The following RYR2 variants were observed in gnomAD, a reference collection of about 807,000 sequenced individuals.
The protein encoded by RYR2 is cardiac muscle ryanodine receptor-calcium release channel.
Under a neutral mutation model 601.1 loss-of-function variants are expected in RYR2, and 227 were observed. The observed-to-expected ratio is 0.38, with a 90% confidence interval of 0.34 to 0.42. RYR2 has a LOEUF of 0.42. Among genes scored for constraint, RYR2 ranks in the 10% least tolerant of loss-of-function variants. The pLI is 1.00. For synonymous variants in RYR2, 2,223 were observed against 2,175.1 expected (o/e 1.02, Z -0.61); for missense variants, 4,646 against 6,156.5 (o/e 0.75, Z 8.21).
chr1:237,215,350 G>A (rs1683041071), intron 1 of RYR2, among the ~76,000 whole-genome samples: 1 of 152,096 alleles, frequency 6.6e-6, no homozygotes, highest in African/African-American at 2.4e-5. Context: ...ACTATATACA[G>A]GGTTCAGTAC....
intron 1 of RYR2, among the ~76,000 whole-genome samples, chr1:237,134,522 A>G (rs1672544110): frequency 6.6e-6 from 1 of 152,090 alleles, no homozygotes; most frequent in South Asian, 2.1e-4. Context: ...CTATCACAAG[A>G]ACAGCATGGG....
intron 1 of RYR2, among the ~76,000 whole-genome samples, chr1:237,132,404 C>T (rs1017821612): frequency 1.3e-4 from 20 of 152,204 alleles, no homozygotes; most frequent in African/African-American, 2.9e-4. Context: ...AGCTTAGGTG[C>T]TCTTGAATTC....
chr1:237,296,643 A>G (rs1692809595), intron 2 of RYR2, among the ~76,000 whole-genome samples: 1 of 152,164 alleles, frequency 6.6e-6, no homozygotes, highest in Non-Finnish European at 1.5e-5. Context: ...CTTGGAGTCT[A>G]AGGAGACGTC....
chr1:237,520,547 A>C (rs1458358010), intron 24 of RYR2, among the ~76,000 whole-genome samples: 1 of 152,128 alleles, frequency 6.6e-6, no homozygotes, highest in African/African-American at 2.4e-5. Flanking sequence ...CTTTTTCTGC[A>C]CCTATTGAGA....
chr1:237,374,651 T>C, intron 6 of RYR2, 66 bp from the exon 7 acceptor site: 1 of 1,345,398 alleles, frequency 7.4e-7, no homozygotes, highest in Middle Eastern at 1.8e-4. Context: ...AGAGCAACCT[T>C]GTCTCAAACA....
intron 25 of RYR2, among the ~76,000 whole-genome samples, chr1:237,530,864 C>G: frequency 6.6e-6 from 1 of 151,432 alleles, no homozygotes; most frequent in East Asian, 1.9e-4. Context: ...GAGTCAAGAT[C>G]GTGCCACTGC....
At chr1:237,680,884 G>A (rs1242764591) in intron 62 of RYR2, among the ~76,000 whole-genome samples, 2 of 152,264 alleles carry the variant, frequency 1.3e-5, no homozygotes, top group African/African-American at 2.4e-5. Context: ...GTGATAAATG[G>A]TACTTTTGAC....
chr1:237,786,723 T>A (rs182436530), intron 91 of RYR2, among the ~76,000 whole-genome samples: 1 of 152,256 alleles, frequency 6.6e-6, no homozygotes, highest in Admixed American at 6.5e-5. Context: ...TAGAATTTTA[T>A]ACGCACATTT....
At chr1:237,734,544 T>C (rs2685297) in intron 79 of RYR2, among the ~76,000 whole-genome samples, 37,018 of 152,150 alleles carry the variant, frequency 0.24, 5,537 homozygotes, top group East Asian at 0.57. Context: ...AGTAGTGAGG[T>C]CTGCTTAAGG....
rs140659640 is a variant in RYR2 at position 237,236,766 on chromosome 1, G to A, written c.49-33731G>A. Among the ~76,000 whole-genome samples, 5 of 152,210 alleles carry A rather than the reference G, an allele frequency of 3.3e-5. No homozygotes were observed. In the East Asian group the frequency reaches 9.7e-4, roughly 29 times the overall value. ...AATGGAAACTCTTAATAATGGGATG[G>A]CGTGCTTTGAGATATCATGTTGAGG... On this transcript the variant is annotated intron_variant, in intron 1 of 104. Coordinates refer to ENST00000366574, the MANE Select transcript of RYR2 (RefSeq NM_001035.3).
At chr1:237,340,478 T>C (rs753642709) in intron 3 of RYR2, among the ~76,000 whole-genome samples, 9 of 152,218 alleles carry the variant, frequency 5.9e-5, no homozygotes, top group Non-Finnish European at 1.2e-4. Flanking sequence ...TCTAATTACC[T>C]ACCCAACACT....
Position 237,614,607 on chromosome 1 carries a change from A to G in RYR2, c.5479A>G (p.Thr1827Ala), listed in dbSNP as rs1225701421. The change falls in exon 37 of 105, where the codon ACC becomes GCC. Residue 1827 changes from threonine (T) to alanine (A), a missense_variant. This residue lies in a region of RYR2 where 1,807 missense variants were observed against 2,088.1 expected (regional missense o/e 0.87). Coordinates refer to ENST00000366574, the MANE Select transcript of RYR2 (RefSeq NM_001035.3). This position sits in a 1 kb window ranked among gnomAD's most constrained non-coding sequence, Gnocchi z 4.3. ...LFVPLIKLFY[T>A]LLIMGIFHNE... ...TGTACCTCTCATCAAGCTTTTCTATACCCTGCTGATCATGGGCATCTTTCA... is the reference window on the plus strand; with the variant it reads ...TGTACCTCTCATCAAGCTTTTCTATGCCCTGCTGATCATGGGCATCTTTCA... 2 of 1,613,720 alleles carry G rather than the reference A, an allele frequency of 1.2e-6. No homozygotes were observed. The highest frequency in any genetic ancestry group is 2.2e-5 in the East Asian group (1 of 44,872).
chr1:237,810,622 C>T (rs753490025), intron 100 of RYR2, among the ~76,000 whole-genome samples: 53 of 151,904 alleles, frequency 3.5e-4, no homozygotes, highest in Non-Finnish European at 6.3e-4. Flanking sequence ...AGTACTTTAC[C>T]TAAAGGTTTA....
intron 1 of RYR2, among the ~76,000 whole-genome samples, chr1:237,144,303 G>A (rs1673732278): frequency 6.6e-6 from 1 of 152,134 alleles, no homozygotes; most frequent in East Asian, 1.9e-4. Context: ...AGCACTATTT[G>A]TTACACATAG....
At chr1:237,412,804 C>T (rs1704577980) in intron 10 of RYR2, among the ~76,000 whole-genome samples, 1 of 152,108 alleles carries the variant, frequency 6.6e-6, no homozygotes, top group East Asian at 1.9e-4. Flanking sequence ...ATCTTTCTCC[C>T]TTTTCAGTCA....
chr1:237,696,729 A>G (rs1687482227), intron 63 of RYR2, among the ~76,000 whole-genome samples: 1 of 145,250 alleles, frequency 6.9e-6, no homozygotes, highest in African/African-American at 2.6e-5. Context: ...CCTTTCACCT[A>G]ATTACTCAGG....
chr1:237,797,971 T>TAC, intron 96 of RYR2, 66 bp from the exon 97 acceptor site: 8 of 1,377,010 alleles, frequency 5.8e-6, no homozygotes, highest in Non-Finnish European at 8.0e-6. Context: ...AGATGTTTTA[T>TAC]ACACACATAT....
At chr1:237,270,196 ATTTTAC>A (rs913119815) in intron 1 of RYR2, 12 of 471,846 alleles carry the variant, frequency 2.5e-5, no homozygotes, top group African/African-American at 1.8e-4. Flanking sequence ...AAAATCCTGT[ATTTTAC>A]TTTTATTTGT....
At chr1:237,349,049 C>T (rs892774724) in intron 3 of RYR2, among the ~76,000 whole-genome samples, 3 of 152,042 alleles carry the variant, frequency 2.0e-5, no homozygotes, top group Admixed American at 1.3e-4. Flanking sequence ...ATCTAACATG[C>T]GAGTAACTGG....
Sources: gnomAD v4.1 joint callset for allele counts (sites outside exome capture counted in the v4.1 genomes callset) on GRCh38, gnomAD v4.1.1 for gene constraint, gnomAD v4.1.1 regional missense constraint, Gnocchi (gnomAD v3.1) non-coding constraint, MANE v1.5 for transcripts, NCBI Gene and HGNC (gene_info 2026-07-23, HGNC 2026-07-21) for gene names.